The following ZNF140 variants were observed in gnomAD, a reference collection of about 807,000 sequenced individuals.
ZNF140 encodes zinc finger protein 140 (clone pHZ-39).
A neutral mutation model predicts 12.9 loss-of-function variants in ZNF140; 13 were observed. The ratio of observed to expected loss-of-function variants is 1.01; its 90% CI spans 0.66 to 1.60. The LOEUF is 1.60. Among genes scored for constraint, ZNF140 ranks in the 40% most tolerant of loss-of-function variants. The pLI is 0.00. For synonymous variants in ZNF140, 214 were observed against 186.7 expected, an observed-to-expected ratio of 1.15 and a Z score of -1.19; for missense variants, 531 against 548.8, an observed-to-expected ratio of 0.97 and a Z score of 0.32.
At chr12:133,104,558 A>C (rs894025459) in intron 4 of ZNF140, among the ~76,000 whole-genome samples, 2 of 151,984 alleles carry the variant, frequency 1.3e-5, no homozygotes, top group Admixed American at 1.3e-4. Flanking sequence ...TCACTGTGTT[A>C]GCCAGGCTGG....
rs769526943 is a variant in ZNF140 at position 133,106,233 on chromosome 12, A to G, written c.956A>G (p.His319Arg). 3 of 1,614,246 alleles carry G rather than the reference A, an allele frequency of 1.9e-6. No homozygotes were observed. The highest frequency in any genetic ancestry group is 1.7e-5 in the Admixed American group (1 of 60,030). ...CGCCGTTTCTCACACCTTACTCGACATCAGAGCATCCATACAACCAAAACC... is the reference window on the plus strand; with the variant it reads ...CGCCGTTTCTCACACCTTACTCGACGTCAGAGCATCCATACAACCAAAACC... ...AFRRFSHLTR[H>R]QSIHTTKTPY... The change falls in exon 5 of 5, where the codon CAT (histidine) becomes CGT (arginine). Residue 319 changes from histidine (H) to arginine (R), a missense_variant. His to Arg is a conservative substitution (Grantham distance 29). Transcript: ENST00000355557.
At chr12:133,083,417 C>T (rs1245360211) in intron 3 of ZNF140, 49 bp from the exon 4 acceptor site, 1 of 1,587,398 alleles carries the variant, frequency 6.3e-7, no homozygotes, top group Non-Finnish European at 8.6e-7. Context: ...TGTGGCCCCT[C>T]TTAGGATTCA....
chr12:133,080,505 T>C (rs2137465694), upstream of ZNF140: 1 of 152,372 alleles, frequency 6.6e-6, no homozygotes, highest in Non-Finnish European at 1.5e-5. Flanking sequence ...TCTCCGCTAG[T>C]TGTGCGCTTG....
chr12:133,081,354 T>TATATAC (rs1954480302), intron 2 of ZNF140, 25 bp downstream of exon 2: 2 of 253,554 alleles, frequency 7.9e-6, no homozygotes, highest in Admixed American at 1.4e-4. Context: ...GATAAATATA[T>TATATAC]ATATATATAT....
chr12:133,084,099 C>A, intron 4 of ZNF140: 1 of 413,590 alleles, frequency 2.4e-6, no homozygotes, highest in Non-Finnish European at 4.6e-6. Flanking sequence ...CTTATACTTT[C>A]TTTTCTTTCT....
rs528559780 is a variant in ZNF140 at position 133,104,325 on chromosome 12, T to C, written c.233-1185T>C. On this transcript the variant is annotated intron_variant, in intron 4 of 4. Coordinates refer to ENST00000355557, the MANE Select transcript of ZNF140 (RefSeq NM_003440.4). ...TTACCTCTATACACTTAAGTGTAGA[T>C]TTCCTAATAAGAATTTCCTAAAGAT... 5.9e-5 allele frequency among the ~76,000 whole-genome samples: 9 copies of C among 151,522 alleles called. No individual in the cohort carries two copies. The East Asian group carries it at 1.7e-3, about 29-fold the overall frequency.
chr12:133,096,233 C>T (rs1019969400), intron 4 of ZNF140, among the ~76,000 whole-genome samples: 16 of 152,166 alleles, frequency 1.1e-4, no homozygotes, highest in African/African-American at 3.9e-4. Flanking sequence ...ACCAAGTATA[C>T]TGCTTGTAAA....
At chr12:133,103,730 A>G (rs2137579510) in intron 4 of ZNF140, among the ~76,000 whole-genome samples, 1 of 152,250 alleles carries the variant, frequency 6.6e-6, no homozygotes, top group East Asian at 1.9e-4. Flanking sequence ...CCCTAAGTAT[A>G]ATGAACTTGC....
Position 133,083,113 on chromosome 12 carries a change from C to G in ZNF140, c.20C>G (p.Thr7Arg). The change falls in exon 3 of 5, where the codon ACA (threonine) becomes AGA (arginine). Residue 7 changes from threonine (T) to arginine (R), a missense_variant. Coordinates refer to ENST00000355557, the MANE Select transcript of ZNF140 (RefSeq NM_003440.4). MSQGSV[T>R]FRDVAIDFSQ... is the part of the protein sequence containing the mutation. ...TGTCCGTCATTTCAGGGGTCAGTGA[C>G]ATTCAGAGATGTGGCCATAGACTTC... is the stretch of plus-strand genomic sequence containing the variant. The G allele has an allele frequency of 1.2e-6, 2 of 1,614,202 alleles. No individual in the cohort carries two copies. Among genetic ancestry groups the G allele is most frequent in the Non-Finnish European group, 1.7e-6 (2 of 1,180,036 alleles).
intron 4 of ZNF140, among the ~76,000 whole-genome samples, chr12:133,090,749 T>C (rs1037141359): frequency 2.4e-3 from 355 of 146,676 alleles, no homozygotes; most frequent in African/African-American, 7.3e-3. Flanking sequence ...AAAAGGAATG[T>C]AGTAGGAGAG....
At chr12:133,086,410 C>G (rs1954678573) in intron 4 of ZNF140, among the ~76,000 whole-genome samples, 2 of 152,142 alleles carry the variant, frequency 1.3e-5, no homozygotes, top group African/African-American at 4.8e-5. Flanking sequence ...TTTGTCAGGC[C>G]ATTAATAAAG....
chr12:133,087,991 G>A (rs933438102), intron 4 of ZNF140, among the ~76,000 whole-genome samples: 6 of 152,018 alleles, frequency 3.9e-5, no homozygotes, highest in African/African-American at 1.4e-4. Flanking sequence ...TTAGCCGGGT[G>A]TGGTGGTGTG....
intron 4 of ZNF140, among the ~76,000 whole-genome samples, chr12:133,099,647 C>G (rs1480758931): frequency 6.6e-6 from 1 of 152,128 alleles, no homozygotes; most frequent in African/African-American, 2.4e-5. Context: ...AATCCCAACA[C>G]TCTTCTGTAA....
In ZNF140 at chr12:133,081,348, A is replaced by AATATATGTATATAT. The variant is rs1555291956; in HGVS notation, c.9+25_9+26insGTATATATATATAT. ...GTCTCAGGTAAGCTAATGATTGATA[A>AATATATGTATATAT]ATATATATATATATATATATATAAA... On this transcript the variant is annotated intron_variant, in intron 2 of 4. Coordinates refer to ENST00000355557, the MANE Select transcript of ZNF140 (RefSeq NM_003440.4). The AATATATGTATATAT allele has an allele frequency of 3.2e-6, 1 of 311,778 alleles. No homozygotes were observed. The highest frequency in any genetic ancestry group is 3.1e-5 in the African/African-American group (1 of 32,292). 19.3% of individuals were successfully genotyped at this position (311,778 alleles called of 1,614,324 possible). A position where few individuals can be genotyped will look rare whatever the true frequency, so the allele number is the denominator to read the frequency against.
chr12:133,089,033 A>G (rs1954770430), intron 4 of ZNF140, among the ~76,000 whole-genome samples: 1 of 151,974 alleles, frequency 6.6e-6, no homozygotes, highest in African/African-American at 2.4e-5. Flanking sequence ...TTTTCTTATA[A>G]TTCCTTTGGT....
rs1954472845 is a variant in ZNF140 at position 133,081,344 on chromosome 12, GATAAATAT to G, written c.9+19_9+26del. The G allele has an allele frequency of 5.9e-5, 27 of 461,278 alleles. No homozygotes were observed. Among genetic ancestry groups the G allele is most frequent in the Non-Finnish European group, 8.9e-5 (24 of 269,680 alleles). The allele number at this position is 461,278 out of a possible 1,614,324, so 28.6% of individuals were successfully genotyped here. A position where few individuals can be genotyped will look rare whatever the true frequency, so the allele number is the denominator to read the frequency against. ...CTATGTCTCAGGTAAGCTAATGATT[GATAAATAT>G]ATATATATATATATATATAAATTTT... On this transcript the variant is annotated intron_variant, in intron 2 of 4. Transcript: ENST00000355557.
Position 133,105,601 on chromosome 12 carries a change from A to T in ZNF140, c.324A>T (p.Leu108=). ...SSQYLIMERI[L]SQGPVYSSFK... ...AGTATTTGATCATGGAAAGAATTCT[A>T]AGTCAAGGCCCTGTGTATTCCAGTT... The change falls in exon 5 of 5, where the codon CTA becomes CTT. Residue 108 remains leucine (L), a synonymous_variant. Coordinates refer to ENST00000355557, the MANE Select transcript of ZNF140 (RefSeq NM_003440.4). 11 of 1,614,156 alleles carry T rather than the reference A, an allele frequency of 6.8e-6. No homozygotes were observed. The highest frequency in any genetic ancestry group is 9.3e-6 in the Non-Finnish European group (11 of 1,180,020).
intron 4 of ZNF140, 81 bp from the exon 5 acceptor site, chr12:133,105,429 G>T (rs1955555868): frequency 5.0e-6 from 7 of 1,401,812 alleles, no homozygotes; most frequent in Non-Finnish European, 6.6e-6. Flanking sequence ...ACTTCATTCT[G>T]TTGCTAAAGA....
chr12:133,100,061 G>A (rs73160483), intron 4 of ZNF140, among the ~76,000 whole-genome samples: 32,847 of 150,726 alleles, frequency 0.22, 4,243 homozygotes, highest in Non-Finnish European at 0.29. Flanking sequence ...CACAACCTCC[G>A]ATGGATGCCT....
Sources: gnomAD v4.1 joint callset for allele counts (sites outside exome capture counted in the v4.1 genomes callset) on GRCh38, gnomAD v4.1.1 for gene constraint, MANE v1.5 for transcripts, NCBI Gene and HGNC (gene_info 2026-07-23, HGNC 2026-07-21) for gene names.